DRC8: variants seen among roughly 807,000 people sequenced by gnomAD.
DRC8 encodes the protein dynein regulatory complex subunit 8, also known as dynein regulatory complex protein 8.
At chr1:245,022,699 A>ATGCATG in the DRC8 span, among the ~76,000 whole-genome samples, 1 of 152,088 alleles carries the variant, frequency 6.6e-6, no homozygotes, top group Non-Finnish European at 1.5e-5. Flanking sequence ...ATGTATGAGT[A>ATGCATG]TGCATGTGCA....
At chr1:245,028,488 A>G in the DRC8 span, among the ~76,000 whole-genome samples, 2 of 152,176 alleles carry the variant, frequency 1.3e-5, no homozygotes, top group African/African-American at 2.4e-5. Flanking sequence ...TTAAAGAGGA[A>G]TATTTTTTTT....
chr1:245,083,764 T>C, the DRC8 span: 4 of 1,511,980 alleles, frequency 2.6e-6, no homozygotes, highest in South Asian at 3.8e-5. Context: ...GCGAAAGTTA[T>C]AGGGGATACT....
chr1:245,019,330 T>C, the DRC8 span, among the ~76,000 whole-genome samples: 1 of 152,154 alleles, frequency 6.6e-6, no homozygotes, highest in Admixed American at 6.5e-5. Flanking sequence ...AATTTGTATA[T>C]CACTTTAAAG....
the DRC8 span, among the ~76,000 whole-genome samples, chr1:245,073,361 C>T: frequency 6.6e-6 from 1 of 152,154 alleles, no homozygotes; most frequent in African/African-American, 2.4e-5. Context: ...GTCTCAAACT[C>T]CTGGCCTCAG....
At chr1:245,009,028 CTTTTTTT>C in the DRC8 span, among the ~76,000 whole-genome samples, 15 of 64,434 alleles carry the variant, frequency 2.3e-4, no homozygotes, top group Middle Eastern at 0.023. Flanking sequence ...TTATGCTTTT[CTTTTTTT>C]TTTTTTTTTT....
chr1:245,010,959 G>A, the DRC8 span, among the ~76,000 whole-genome samples: 1 of 152,066 alleles, frequency 6.6e-6, no homozygotes, highest in South Asian at 2.1e-4. Flanking sequence ...GGGATTACAG[G>A]TGTGAGCCAC....
chr1:244,993,509 G>C, the DRC8 span, among the ~76,000 whole-genome samples: 2 of 152,224 alleles, frequency 1.3e-5, no homozygotes, highest in Non-Finnish European at 2.9e-5. Context: ...GAACTAGAGA[G>C]ATGTTACTTG....
chr1:245,009,028 CTTTTT>C, the DRC8 span, among the ~76,000 whole-genome samples: 4 of 64,446 alleles, frequency 6.2e-5, no homozygotes, highest in African/African-American at 2.7e-4. Context: ...TTATGCTTTT[CTTTTT>C]TTTTTTTTTT....
At chr1:245,039,852 C>A in the DRC8 span, among the ~76,000 whole-genome samples, 1 of 152,146 alleles carries the variant, frequency 6.6e-6, no homozygotes, top group Non-Finnish European at 1.5e-5. Context: ...TGAGTTTGTG[C>A]CCTTCTCAGA....
chr1:245,096,478 CTG>C, the DRC8 span, among the ~76,000 whole-genome samples: 7 of 152,230 alleles, frequency 4.6e-5, no homozygotes, highest in Non-Finnish European at 1.0e-4. Context: ...GTGCCAGACA[CTG>C]TGCTGGGTAC....
the DRC8 span, chr1:245,083,654 T>C: frequency 2.6e-5 from 42 of 1,610,894 alleles, no homozygotes; most frequent in Admixed American, 1.0e-4. Context: ...GGTTTCTTAC[T>C]AAGGACGAGC....
the DRC8 span, among the ~76,000 whole-genome samples, chr1:245,025,477 C>CT: frequency 3.9e-5 from 6 of 152,226 alleles, no homozygotes; most frequent in Non-Finnish European, 8.8e-5. Flanking sequence ...TATCAACTTA[C>CT]TTTTTTTAAC....
chr1:245,000,440 G>C, the DRC8 span, among the ~76,000 whole-genome samples: 1 of 152,174 alleles, frequency 6.6e-6, no homozygotes, highest in Non-Finnish European at 1.5e-5. Flanking sequence ...GACAAAGGGA[G>C]ACTGCTGCAT....
chr1:245,025,054 T>C, the DRC8 span, among the ~76,000 whole-genome samples: 6 of 152,224 alleles, frequency 3.9e-5, no homozygotes, highest in Non-Finnish European at 8.8e-5. Context: ...AGATTTTTTT[T>C]TTTAATTTAG....
At chr1:245,000,149 C>G in the DRC8 span, among the ~76,000 whole-genome samples, 5 of 152,190 alleles carry the variant, frequency 3.3e-5, no homozygotes, top group Non-Finnish European at 4.4e-5. Flanking sequence ...TGAGGCACAG[C>G]AAGAGCTGAA....
At chr1:245,084,083 C>CT in the DRC8 span, among the ~76,000 whole-genome samples, 30,222 of 94,414 alleles carry the variant, frequency 0.32, 5,966 homozygotes, top group Non-Finnish European at 0.4. Flanking sequence ...GGCGCCCCGG[C>CT]TTTTTTTTTT....
the DRC8 span, among the ~76,000 whole-genome samples, chr1:245,084,922 C>T: frequency 5.9e-5 from 9 of 152,208 alleles, no homozygotes; most frequent in African/African-American, 2.2e-4. Flanking sequence ...AAATTACCTT[C>T]GGGATTAATT....
the DRC8 span, among the ~76,000 whole-genome samples, chr1:245,020,123 T>C: frequency 3.3e-5 from 5 of 152,182 alleles, no homozygotes; most frequent in Non-Finnish European, 5.9e-5. Flanking sequence ...GGTTTGGTGT[T>C]ACTTCCTGTG....
the DRC8 span, among the ~76,000 whole-genome samples, chr1:245,079,549 T>C: frequency 1.3e-5 from 2 of 152,196 alleles, no homozygotes; most frequent in Non-Finnish European, 2.9e-5. Flanking sequence ...GTATATTATG[T>C]GTCATTTGTG....
Sources: allele counts gnomAD v4.1 joint callset (sites outside exome capture counted in the v4.1 genomes callset), GRCh38; gene constraint gnomAD v4.1.1; transcripts MANE v1.5; gene names NCBI Gene and HGNC (gene_info 2026-07-23, HGNC 2026-07-21).